FOXN3: variants seen among roughly 807,000 people sequenced by gnomAD.
FOXN3 encodes forkhead box N3.
In FOXN3, 7 loss-of-function variants were observed where a neutral mutation model predicts 38.4. That is an observed-to-expected ratio of 0.18 (90% CI 0.10 to 0.34). The LOEUF is 0.34. Ranked by LOEUF, FOXN3 falls within the 10% of genes least tolerant of loss-of-function variation. The probability of loss-of-function intolerance (pLI) is 1.00; values close to 1 mark genes in which losing one functional copy is unlikely to be tolerated. For missense variants in FOXN3, 456 were observed against 613.4 expected, an observed-to-expected ratio of 0.74 and a Z score of 2.71; for synonymous variants, 230 against 242.2, an observed-to-expected ratio of 0.95 and a Z score of 0.47.
At chr14:89,429,604 T>C (rs1415680868) in intron 1 of FOXN3, among the ~76,000 whole-genome samples, 1 of 150,638 alleles carries the variant, frequency 6.6e-6, no homozygotes, top group Non-Finnish European at 1.5e-5. Flanking sequence ...AGTGGGAGAG[T>C]TGCTGCCTGG....
chr14:89,193,398 AAGAG>A (rs1888014822), intron 4 of FOXN3, among the ~76,000 whole-genome samples: 1 of 152,172 alleles, frequency 6.6e-6, no homozygotes, highest in East Asian at 1.9e-4. Context: ...AGAAAACAGA[AAGAG>A]AGAAAGAAAA....
At position 89,456,904 on chromosome 14, in the gene FOXN3, G is replaced by T. The variant is rs142860493; in HGVS notation, c.-14-44414C>A. Among the ~76,000 whole-genome samples the T allele has an allele frequency of 2.4e-3, 368 of 152,288 alleles. 2 individuals are homozygous for T. Among genetic ancestry groups the T allele is most frequent in the African/African-American group, 8.3e-3 (346 of 41,558 alleles). ...GAGCCCAGGTCCTTTGTCTGTGAAG[G>T]GGAATAAAAATAACCACCTCTCCAG... On this transcript the variant is annotated intron_variant, in intron 1 of 6. Coordinates refer to the FOXN3 transcript ENST00000345097.
At chr14:89,557,258 C>A (rs530524868) in intron 1 of FOXN3, among the ~76,000 whole-genome samples, 31 of 152,308 alleles carry the variant, frequency 2.0e-4, no homozygotes, top group Non-Finnish European at 4.3e-4. Context: ...CCTCTCAAGA[C>A]TAGTCCTTTC....
chr14:89,525,795 C>T (rs1010139075), intron 1 of FOXN3, among the ~76,000 whole-genome samples: 2 of 152,036 alleles, frequency 1.3e-5, no homozygotes, highest in Admixed American at 6.5e-5. Context: ...CGCATCAATA[C>T]CAAAACCAGA....
At chr14:89,466,234 G>T (rs886728512) in intron 1 of FOXN3, among the ~76,000 whole-genome samples, 1 of 151,952 alleles carries the variant, frequency 6.6e-6, no homozygotes, top group Non-Finnish European at 1.5e-5. Flanking sequence ...TTACAACTTG[G>T]TCGTCTAAGG....
chr14:89,409,953 T>A (rs1891498239), intron 2 of FOXN3, among the ~76,000 whole-genome samples: 1 of 151,980 alleles, frequency 6.6e-6, no homozygotes, highest in African/African-American at 2.4e-5. Flanking sequence ...TACACAAAAA[T>A]AAGGACCTGG....
chr14:89,506,440 C>T (rs1467238476), intron 1 of FOXN3, among the ~76,000 whole-genome samples: 3 of 145,810 alleles, frequency 2.1e-5, no homozygotes, highest in African/African-American at 7.7e-5. Context: ...CTGCCCCGAC[C>T]GGGAGGGAGG....
intron 3 of FOXN3, among the ~76,000 whole-genome samples, chr14:89,335,828 G>C (rs1425100246): frequency 6.6e-6 from 1 of 152,020 alleles, no homozygotes; most frequent in African/African-American, 2.4e-5. Context: ...AAATTCAAAA[G>C]ATGGTGAGAG....
In FOXN3 at chr14:89,362,347, A is replaced by AGCT. The variant is rs1889805124; in HGVS notation, c.544-11540_544-11539insAGC. ...CTCTACCACCACCACCTCCAGCACC[A>AGCT]CCACCACCTCCTCCTCCTCCTCCAC... On this transcript the variant is annotated intron_variant, in intron 2 of 5. Transcript: ENST00000557258. Among the ~76,000 whole-genome samples the AGCT allele has an allele frequency of 5.4e-4, 2 of 3,680 alleles. 1 individual carries two copies. The highest frequency in any genetic ancestry group is 5.8e-4 in the African/African-American group (2 of 3,444). 2.4% of individuals were successfully genotyped at this position (3,680 alleles called of 152,430 possible).
chr14:89,581,944 A>T (rs886134549), intron 1 of FOXN3, among the ~76,000 whole-genome samples: 1 of 152,114 alleles, frequency 6.6e-6, no homozygotes, highest in African/African-American at 2.4e-5. Context: ...ATTTAGCCCC[A>T]GGACAAAAAG....
intron 1 of FOXN3, among the ~76,000 whole-genome samples, chr14:89,437,798 C>G (rs893454228): frequency 1.3e-5 from 2 of 152,212 alleles, no homozygotes; most frequent in African/African-American, 4.8e-5. Flanking sequence ...GCTGCTTTCA[C>G]ATTACTGTAG....
At chr14:89,584,022 G>A (rs1895796194) in intron 1 of FOXN3, among the ~76,000 whole-genome samples, 1 of 150,810 alleles carries the variant, frequency 6.6e-6, no homozygotes, top group East Asian at 2.0e-4. Context: ...ACCACACCCA[G>A]CTAATTTTTG....
At chr14:89,321,753 T>A (rs1887904419) in intron 3 of FOXN3, among the ~76,000 whole-genome samples, 1 of 152,026 alleles carries the variant, frequency 6.6e-6, no homozygotes, top group South Asian at 2.1e-4. Flanking sequence ...ACTTGACAAC[T>A]GAGTTTCTTT....
chr14:89,200,897 A>C (rs1043220364), intron 4 of FOXN3, among the ~76,000 whole-genome samples: 1 of 152,212 alleles, frequency 6.6e-6, no homozygotes, highest in African/African-American at 2.4e-5. Flanking sequence ...GAAAAAACTC[A>C]AAGAACCATG....
At chr14:89,267,846 GTTC>G (rs1886030146) in intron 4 of FOXN3, among the ~76,000 whole-genome samples, 1 of 152,188 alleles carries the variant, frequency 6.6e-6, no homozygotes, top group Non-Finnish European at 1.5e-5. Flanking sequence ...GGTGAACACA[GTTC>G]TTCTCTATAT....
At chr14:89,250,277 A>C (rs969664960) in intron 4 of FOXN3, among the ~76,000 whole-genome samples, 14 of 152,048 alleles carry the variant, frequency 9.2e-5, no homozygotes, top group African/African-American at 3.4e-4. Context: ...TGCCCAGCTA[A>C]TTTTTTAAAT....
intron 1 of FOXN3, among the ~76,000 whole-genome samples, chr14:89,514,733 A>C (rs186302048): frequency 6.6e-6 from 1 of 152,300 alleles, no homozygotes; most frequent in Non-Finnish European, 1.5e-5. Flanking sequence ...GGAATTTTAT[A>C]GTCCTCACTC....
At chr14:89,495,997 G>T (rs1446652403) in intron 1 of FOXN3, among the ~76,000 whole-genome samples, 1 of 152,202 alleles carries the variant, frequency 6.6e-6, no homozygotes, top group African/African-American at 2.4e-5. Flanking sequence ...GGTGGATCAT[G>T]AGGTCAGGAG....
At chr14:89,468,639 C>T (rs1027411922) in intron 1 of FOXN3, among the ~76,000 whole-genome samples, 3 of 152,150 alleles carry the variant, frequency 2.0e-5, no homozygotes, top group Admixed American at 2.0e-4. Context: ...GCAGACAGCA[C>T]TCAAATATGT....
Sources: gnomAD v4.1 joint callset for allele counts (sites outside exome capture counted in the v4.1 genomes callset) on GRCh38, gnomAD v4.1.1 for gene constraint, MANE v1.5 for transcripts, NCBI Gene and HGNC (gene_info 2026-07-23, HGNC 2026-07-21) for gene names.